Variants in PABPC4L observed in about 807,000 individuals in gnomAD.
PABPC4L encodes the protein polyadenylate-binding protein 4-like.
For missense variants in PABPC4L, 452 were observed against 451.4 expected (o/e 1.00, Z -0.01); for synonymous variants, 169 against 164.1 (o/e 1.03, Z -0.23).
the PABPC4L span, among the ~76,000 whole-genome samples, chr4:134,141,312 A>G: frequency 1.5e-4 from 23 of 151,532 alleles, no homozygotes; most frequent in Non-Finnish European, 3.0e-4. Context: ...AGAACTGGTA[A>G]GCAAAATTTA....
chr4:134,123,322 A>G, the PABPC4L span, among the ~76,000 whole-genome samples: 1 of 152,180 alleles, frequency 6.6e-6, no homozygotes, highest in South Asian at 2.1e-4. Context: ...AATTTTAAAC[A>G]GAAAAATTAC....
the PABPC4L span, among the ~76,000 whole-genome samples, chr4:134,053,020 G>C: frequency 6.6e-6 from 1 of 151,906 alleles, no homozygotes; most frequent in Admixed American, 6.6e-5. Context: ...TGTCTTGACT[G>C]TCTATAACCA....
At chr4:134,043,039 T>A in the PABPC4L span, among the ~76,000 whole-genome samples, 1 of 152,104 alleles carries the variant, frequency 6.6e-6, no homozygotes, top group Admixed American at 6.6e-5. Context: ...TCTCTGGGAT[T>A]CTAGAATTTC....
chr4:134,063,530 A>T, the PABPC4L span, among the ~76,000 whole-genome samples: 1 of 152,076 alleles, frequency 6.6e-6, no homozygotes, highest in South Asian at 2.1e-4. Context: ...TAAAGTAACA[A>T]GATTTGAAAT....
chr4:134,029,174 A>G, the PABPC4L span, among the ~76,000 whole-genome samples: 1 of 152,152 alleles, frequency 6.6e-6, no homozygotes, highest in East Asian at 1.9e-4. Context: ...CCAGCATGCT[A>G]TAGATAATGA....
At chr4:134,129,489 T>G in the PABPC4L span, among the ~76,000 whole-genome samples, 1 of 151,916 alleles carries the variant, frequency 6.6e-6, no homozygotes, top group African/African-American at 2.4e-5. Context: ...CAGACCACAG[T>G]GGAATAAAAT....
At chr4:134,029,999 T>G in the PABPC4L span, among the ~76,000 whole-genome samples, 1 of 152,076 alleles carries the variant, frequency 6.6e-6, no homozygotes, top group Non-Finnish European at 1.5e-5. Flanking sequence ...CTCTTTCCCT[T>G]GCTGCCACCA....
chr4:134,172,130 C>G, the PABPC4L span, among the ~76,000 whole-genome samples: 1 of 151,992 alleles, frequency 6.6e-6, no homozygotes, highest in Non-Finnish European at 1.5e-5. Flanking sequence ...TCCTATAAAA[C>G]TACCAATTAC....
chr4:134,195,416 G>T (rs535164365), downstream of PABPC4L, among the ~76,000 whole-genome samples: 1 of 151,696 alleles, frequency 6.6e-6, no homozygotes, highest in East Asian at 1.9e-4. Context: ...AACAAAAAAT[G>T]AATTATGACT....
chr4:134,124,384 T>C, the PABPC4L span, among the ~76,000 whole-genome samples: 2 of 152,018 alleles, frequency 1.3e-5, no homozygotes, highest in South Asian at 2.1e-4. Flanking sequence ...CACTTACCAA[T>C]TGGAGCTTGC....
At chr4:133,980,388 T>C in the PABPC4L span, among the ~76,000 whole-genome samples, 1 of 152,204 alleles carries the variant, frequency 6.6e-6, no homozygotes, top group Non-Finnish European at 1.5e-5. Context: ...AGATGTGGTC[T>C]TAGAATCAAC....
the PABPC4L span, among the ~76,000 whole-genome samples, chr4:133,971,339 CT>C: frequency 6.6e-6 from 1 of 152,022 alleles, no homozygotes; most frequent in South Asian, 2.1e-4. Flanking sequence ...TCTCCATCTC[CT>C]GACTTCGTGA....
At chr4:134,073,176 T>C in the PABPC4L span, among the ~76,000 whole-genome samples, 1 of 152,166 alleles carries the variant, frequency 6.6e-6, no homozygotes, top group African/African-American at 2.4e-5. Context: ...CTTCCACCTA[T>C]GAGGCTGTAA....
At chr4:133,997,140 A>G in the PABPC4L span, among the ~76,000 whole-genome samples, 1 of 152,120 alleles carries the variant, frequency 6.6e-6, no homozygotes, top group African/African-American at 2.4e-5. Flanking sequence ...GAGACACCAT[A>G]CTGAAATTAG....
At chr4:134,078,139 GTAATAC>G in the PABPC4L span, among the ~76,000 whole-genome samples, 1 of 152,062 alleles carries the variant, frequency 6.6e-6, no homozygotes, top group East Asian at 1.9e-4. Flanking sequence ...CTTAACATAA[GTAATAC>G]TAAAGTAAAA....
the PABPC4L span, among the ~76,000 whole-genome samples, chr4:134,024,812 T>A: frequency 7.3e-6 from 1 of 137,142 alleles, no homozygotes; most frequent in African/African-American, 2.8e-5. Flanking sequence ...ATAAACTAGC[T>A]TTTTTTTTTT....
At chr4:134,001,276 C>T in the PABPC4L span, among the ~76,000 whole-genome samples, 9 of 150,482 alleles carry the variant, frequency 6.0e-5, no homozygotes, top group African/African-American at 1.9e-4. Context: ...GAGCACCAGA[C>T]AATTAGAGCA....
downstream of PABPC4L, among the ~76,000 whole-genome samples, chr4:134,195,018 T>G (rs1455065652): frequency 6.6e-6 from 1 of 151,782 alleles, no homozygotes; most frequent in Admixed American, 6.6e-5. Flanking sequence ...ACCATATAAC[T>G]GATGGCCTTT....
At chr4:134,084,836 G>A in the PABPC4L span, among the ~76,000 whole-genome samples, 1 of 152,050 alleles carries the variant, frequency 6.6e-6, no homozygotes, top group East Asian at 1.9e-4. Context: ...CCATAATTCA[G>A]CTAAAATCAG....
Sources: gnomAD v4.1 joint callset for allele counts (sites outside exome capture counted in the v4.1 genomes callset) on GRCh38, gnomAD v4.1.1 for gene constraint, MANE v1.5 for transcripts, NCBI Gene and HGNC (gene_info 2026-07-23, HGNC 2026-07-21) for gene names.